LMO2: variants seen among roughly 807,000 people sequenced by gnomAD.
LMO2 encodes the protein rhombotin-2.
LMO2 carries 20 observed loss-of-function variants against 23.2 expected under a neutral mutation model. That is an observed-to-expected ratio of 0.86 (90% CI 0.61 to 1.25). LMO2 has a LOEUF of 1.25. LMO2 is among the 50% of genes most tolerant of loss of function. The pLI, the probability that LMO2 is intolerant of heterozygous loss-of-function variation, is 0.00. For missense variants in LMO2, 270 were observed against 315.3 expected (o/e 0.86, Z 1.09); for synonymous variants, 123 against 130.2 (o/e 0.94, Z 0.38).
Position 33,864,658 on chromosome 11 carries a change from C to G in LMO2, c.408G>C (p.Val136=). 6.8e-6 allele frequency: 11 copies of G among 1,613,944 alleles called. No homozygotes were observed. The highest frequency in any genetic ancestry group is 9.3e-6 in the Non-Finnish European group (11 of 1,180,034). Residue 136 remains valine (V), a synonymous_variant, in exon 5 of 6, where the codon GTG becomes GTC. Transcript: ENST00000257818. The surrounding 1 kb of genome is among the most constrained non-coding windows in gnomAD (Gnocchi z 4.8). ...CDLCGCRLGE[V]GRRLYYKLGR... ...CCAGTTTGTAGTAGAGGCGCCGCCC[C>G]ACCTCACCCAGCCGGCAGCCACAGA...
intron 2 of LMO2, among the ~76,000 whole-genome samples, chr11:33,873,269 T>G (rs902926014): frequency 6.6e-6 from 1 of 152,220 alleles, no homozygotes; most frequent in East Asian, 1.9e-4. Flanking sequence ...TTACTGCATA[T>G]GACTTTGGGT....
chr11:33,870,665 C>T, intron 2 of LMO2: 4 of 742,760 alleles, frequency 5.4e-6, no homozygotes, highest in Non-Finnish European at 6.6e-6. Flanking sequence ...TGGCGGAATC[C>T]CCTCCCTCTG....
intron 2 of LMO2, among the ~76,000 whole-genome samples, chr11:33,872,337 G>A (rs950431063): frequency 6.6e-6 from 1 of 152,142 alleles, no homozygotes; most frequent in African/African-American, 2.4e-5. Context: ...ATCCTCATCT[G>A]TAAAATGGAG....
chr11:33,885,055 C>A (rs1387043607), intron 1 of LMO2, among the ~76,000 whole-genome samples: 1 of 152,162 alleles, frequency 6.6e-6, no homozygotes, highest in Non-Finnish European at 1.5e-5. Flanking sequence ...GGAAGACTGC[C>A]CATCACCTCT....
In LMO2 at chr11:33,858,872, G is replaced by GA; in HGVS notation, c.*483dup. 1 of 232,482 alleles carries GA rather than the reference G, an allele frequency of 4.3e-6. No homozygotes were observed. Among genetic ancestry groups the GA allele is most frequent in the Admixed American group, 5.4e-5 (1 of 18,544 alleles). 14.4% of individuals were successfully genotyped at this position (232,482 alleles called of 1,614,324 possible). On this transcript the variant is annotated 3_prime_UTR_variant, in exon 6 of 6. Transcript: ENST00000257818. ...CTTAAGGCCTTGGGAAGGGGGCCAA[G>GA]AAAAAAAGAATGGCCACTCTCCTTT...
At chr11:33,888,032 G>A (rs1857455163) in intron 1 of LMO2, among the ~76,000 whole-genome samples, 1 of 152,182 alleles carries the variant, frequency 6.6e-6, no homozygotes, top group Admixed American at 6.5e-5. Context: ...GAAGAAAGGA[G>A]GTGGGGGCAG....
At chr11:33,870,545 C>T in intron 2 of LMO2, 1 of 985,808 alleles carries the variant, frequency 1.0e-6, no homozygotes, top group Non-Finnish European at 1.2e-6. Context: ...GGTGCGCCAG[C>T]CGGGACTGCA....
intron 4 of LMO2, among the ~76,000 whole-genome samples, chr11:33,866,295 A>G (rs574424366): frequency 8.5e-5 from 13 of 152,312 alleles, no homozygotes; most frequent in African/African-American, 3.1e-4. Flanking sequence ...TCATGAGACT[A>G]TCATCTTTGG....
At chr11:33,870,011 G>C in intron 2 of LMO2, 24 bp from the exon 3 acceptor site, 1 of 943,294 alleles carries the variant, frequency 1.1e-6, no homozygotes, top group Non-Finnish European at 1.3e-6. Context: ...AAATACAATA[G>C]AAGGAAATCA....
chr11:33,861,583 G>A (rs113773752), intron 5 of LMO2, among the ~76,000 whole-genome samples: 2,082 of 152,278 alleles, frequency 0.014, 41 homozygotes, highest in African/African-American at 0.048. Context: ...GCAGGTAACC[G>A]CCACATTGGA....
chr11:33,869,413 G>A lies in LMO2; in HGVS notation c.181C>T (p.Pro61Ser). 5.0e-6 allele frequency: 6 copies of A among 1,202,490 alleles called. No homozygotes were observed. The highest frequency in any genetic ancestry group is 6.2e-6 in the Non-Finnish European group (6 of 963,412). The allele number at this position is 1,202,490 out of a possible 1,614,324, so 74.5% of individuals were successfully genotyped here. Residue 61 changes from proline (P) to serine (S), a missense_variant, in exon 4 of 6, where the codon CCG becomes TCG. Around this residue, in one of 2 missense-constraint regions of LMO2, gnomAD observed 170 missense variants for 162.0 expected, o/e 1.05. Transcript: ENST00000257818. ...GGGGAGGGAGGCGGGGTGCCGGGCGGCGGGGGCGCTCCCTTTGTGGCGCGG... is the reference window on the plus strand; with the variant it reads ...GGGGAGGGAGGCGGGGTGCCGGGCGACGGGGGCGCTCCCTTTGTGGCGCGG... ...QPRATKGAPP[P>S]PGTPPPSPMS...
intron 4 of LMO2, among the ~76,000 whole-genome samples, chr11:33,866,162 C>T (rs1294007112): frequency 6.6e-6 from 1 of 152,200 alleles, no homozygotes; most frequent in Non-Finnish European, 1.5e-5. Flanking sequence ...CTAGGTGGCT[C>T]AATGTCTATA....
chr11:33,870,658 C>G, intron 2 of LMO2: 1 of 783,070 alleles, frequency 1.3e-6, no homozygotes, highest in Non-Finnish European at 1.5e-6. Flanking sequence ...CGGCTGGTGG[C>G]GGAATCCCCT....
Position 33,864,598 on chromosome 11 carries a change from G to A in LMO2, c.464+4C>T, listed in dbSNP as rs751572075. The A allele has an allele frequency of 1.2e-6, 2 of 1,610,664 alleles. No individual in the cohort carries two copies. The highest frequency in any genetic ancestry group is 2.2e-5 in the South Asian group (2 of 90,946). ...AGGGCCCAGTGGAGTGCCGGGGAGG[G>A]TACCTGAGATAGTCTCTCCGGCAGA... is the stretch of plus-strand genomic sequence containing the variant. On this transcript the variant is annotated splice_donor_region_variant and intron_variant, in intron 5 of 5. Coordinates refer to ENST00000257818, the MANE Select transcript of LMO2 (RefSeq NM_005574.4). The surrounding 1 kb of genome is among the most constrained non-coding windows in gnomAD (Gnocchi z 4.8).
Position 33,869,763 on chromosome 11 carries a change from C to A in LMO2, c.-47G>T. ...GCCCGGTCCCTCTCGCGCGCTGTCGCCGGCTCCGCGCCGCCCGCGGGGATG... is the reference window on the plus strand; with the variant it reads ...GCCCGGTCCCTCTCGCGCGCTGTCGACGGCTCCGCGCCGCCCGCGGGGATG... On this transcript the variant is annotated 5_prime_UTR_variant, in exon 3 of 6. Transcript: ENST00000257818. 1 of 1,199,586 alleles carries A rather than the reference C, an allele frequency of 8.3e-7. No homozygotes were observed. The highest frequency in any genetic ancestry group is 3.1e-5 in the South Asian group (1 of 32,154). 74.3% of individuals were successfully genotyped at this position (1,199,586 alleles called of 1,614,324 possible).
intron 5 of LMO2, 138 bp from the exon 6 acceptor site, chr11:33,859,713 G>T: frequency 1.5e-6 from 1 of 671,460 alleles, no homozygotes; most frequent in Non-Finnish European, 2.5e-6. Context: ...CAGAAGGAGG[G>T]CCGGCTAGTG....
intron 1 of LMO2, among the ~76,000 whole-genome samples, chr11:33,882,976 G>C (rs1379658345): frequency 2.0e-5 from 3 of 152,172 alleles, no homozygotes; most frequent in Non-Finnish European, 4.4e-5. Flanking sequence ...CAGATCAAGG[G>C]AGAAACCTCA....
rs1362539093 is a variant in LMO2, at chr11:33,869,429, T to C, written c.165A>G (p.Thr55=). ...RAPAAGQPRA[T]KGAPPPPGTP... is the part of the protein sequence containing the mutation. The stretch of plus-strand genomic sequence containing the variant: ...TGCCGGGCGGCGGGGGCGCTCCCTT[T>C]GTGGCGCGGGGCTGGCCGGCTGCCG... Residue 55 remains threonine, a synonymous_variant, in exon 4 of 6, where the codon ACA becomes ACG. Transcript: ENST00000257818. 2 of 1,194,288 alleles carry C rather than the reference T, an allele frequency of 1.7e-6. No homozygotes were observed. Among genetic ancestry groups the C allele is most frequent in the East Asian group, 3.7e-5 (1 of 27,120 alleles). The allele number at this position is 1,194,288 out of a possible 1,614,324, so 74.0% of individuals were successfully genotyped here.
chr11:33,890,828 T>A lies in LMO2; in HGVS notation c.-336+967A>T, dbSNP rs1857529054. Among the ~76,000 whole-genome samples, 7 of 152,318 alleles carry A rather than the reference T, an allele frequency of 4.6e-5. No individual in the cohort carries two copies. In the South Asian group the frequency reaches 1.4e-3, roughly 32 times the overall value. ...CAATGACCCTATGGGTACCCCTATA[T>A]TACAAATGAGAAAACTGAGGCTGCC... On this transcript the variant is annotated intron_variant, in intron 1 of 5. Transcript: ENST00000257818.
Sources: allele counts gnomAD v4.1 joint callset (sites outside exome capture counted in the v4.1 genomes callset), GRCh38; gene constraint gnomAD v4.1.1; regional missense constraint gnomAD v4.1.1; non-coding constraint Gnocchi (gnomAD v3.1); transcripts MANE v1.5; gene names NCBI Gene and HGNC (gene_info 2026-07-23, HGNC 2026-07-21).